Variants in NUTM2F observed in about 807,000 individuals in gnomAD.
NUTM2F encodes family with sequence similarity 22, member F.
In NUTM2F, 22 loss-of-function variants were observed where a neutral mutation model predicts 43.3. The ratio of observed to expected loss-of-function variants is 0.51; its 90% CI spans 0.36 to 0.73. NUTM2F has a LOEUF of 0.73. Ranked by LOEUF, NUTM2F falls within the 30% of genes least tolerant of loss-of-function variation. NUTM2F has a pLI of 0.00. For missense variants in NUTM2F, 488 were observed against 927.4 expected (o/e 0.53, Z 6.15); for synonymous variants, 202 against 389.0 (o/e 0.52, Z 5.66).
intron 2 of NUTM2F, among the ~76,000 whole-genome samples, chr9:94,324,958 GC>G (rs1264538129): frequency 7.0e-6 from 1 of 143,482 alleles, no homozygotes; most frequent in Non-Finnish European, 1.5e-5. Context: ...TTGCACTCCA[GC>G]CTGGGCAACA....
Position 94,322,307 on chromosome 9 carries a change from G to T in NUTM2F, c.736C>A (p.Arg246=). Residue 246 remains arginine, a synonymous_variant, in exon 3 of 7, where the codon CGG becomes AGG. Transcript: ENST00000253262. Reference sequence around the variant, plus strand: ...TCCAGCGTCATGGTGGGCTTCCGCCGGGCCAGGGATCGGAGAACTGGGCTG... The same window carrying T: ...TCCAGCGTCATGGTGGGCTTCCGCCTGGCCAGGGATCGGAGAACTGGGCTG... ...FLIPVLRSLA[R]RKPTMTLEEG... The T allele has an allele frequency of 6.2e-7, 1 of 1,611,908 alleles. No homozygotes were observed. Among genetic ancestry groups the T allele is most frequent in the Non-Finnish European group, 8.5e-7 (1 of 1,179,834 alleles).
In NUTM2F at chr9:94,324,987, C is replaced by CT. The variant is rs1831431927; in HGVS notation, c.713+250_713+251insA. ...GGGCAACAAGAGTGAAAGTCCATCT[C>CT]AAAAAAAAAAAAAAAATTAAGGATT... On this transcript the variant is annotated intron_variant, in intron 2 of 6. Transcript: ENST00000253262. Among the ~76,000 whole-genome samples the CT allele has an allele frequency of 4.1e-5, 4 of 98,344 alleles. No individual in the cohort carries two copies. The Admixed American group carries it at 4.2e-4, about 10-fold the overall frequency. 64.5% of individuals were successfully genotyped at this position (98,344 alleles called of 152,430 possible).
chr9:94,321,435 C>T (rs555204587), intron 3 of NUTM2F, among the ~76,000 whole-genome samples: 2 of 150,468 alleles, frequency 1.3e-5, no homozygotes, highest in Admixed American at 6.6e-5. Flanking sequence ...CTGCAGAGCC[C>T]ATGGCATCAA....
chr9:94,325,810 C>G lies in NUTM2F; in HGVS notation c.141G>C (p.Val47=), dbSNP rs1831445582. Residue 47 remains valine (V), a synonymous_variant, in exon 2 of 7, where the codon GTG becomes GTC. Transcript: ENST00000253262. ...PAHRPPLVTA[V]VPPAGPLVLS... Reference sequence around the variant, plus strand: ...GCACCAGAGGGCCGGCTGGAGGAACCACTGCAGTCACGAGGGGCGGCCTGT... The same window carrying G: ...GCACCAGAGGGCCGGCTGGAGGAACGACTGCAGTCACGAGGGGCGGCCTGT... The G allele has an allele frequency of 6.2e-7, 1 of 1,612,004 alleles. No homozygotes were observed. The highest frequency in any genetic ancestry group is 1.3e-5 in the African/African-American group (1 of 74,888).
intron 2 of NUTM2F, among the ~76,000 whole-genome samples, chr9:94,324,549 G>A (rs535396400): frequency 2.0e-5 from 3 of 151,280 alleles, no homozygotes; most frequent in African/African-American, 4.9e-5. Context: ...TGTAGTCCCA[G>A]CTACTCGGGA....
In NUTM2F at chr9:94,322,237, T is replaced by C; in HGVS notation, c.806A>G (p.Asn269Ser). The C allele has an allele frequency of 1.2e-6, 2 of 1,612,088 alleles. No individual in the cohort carries two copies. The highest frequency in any genetic ancestry group is 1.7e-6 in the Non-Finnish European group (2 of 1,179,878). The change falls in exon 3 of 7, where the codon AAC becomes AGC. Residue 269 changes from asparagine to serine, a missense_variant. Asn to Ser is a conservative substitution (Grantham distance 46). Coordinates refer to ENST00000253262, the MANE Select transcript of NUTM2F (RefSeq NM_017561.2). ...CTCGTAGAAGATCATCCGGTCAAAG[T>C]TGCTCGTGTGCTGCCATTCCCGCAT... is the stretch of plus-strand genomic sequence containing the variant. ...QAMREWQHTS[N>S]FDRMIFYEMA...
rs777525236 is a variant in NUTM2F, at chr9:94,319,700, C to T, written c.1398G>A (p.Leu466=). Residue 466 remains leucine, a synonymous_variant, in exon 6 of 7, where the codon CTG becomes CTA. Coordinates refer to ENST00000253262, the MANE Select transcript of NUTM2F (RefSeq NM_017561.2). ...GTGGATCTGGGGAAAGCAATTCTTC[C>T]AGGAATCGGGGGTGAATGACGGCCT... The part of the protein sequence containing the change: ...KVEAVIHPRF[L]EELLSPDPQM... The T allele has an allele frequency of 2.4e-5, 39 of 1,611,620 alleles. No individual in the cohort carries two copies. The East Asian group carries it at 8.5e-4, about 35-fold the overall frequency.
chr9:94,322,180 C>T (rs748791148), intron 3 of NUTM2F, 21 bp downstream of exon 3: 11 of 1,611,846 alleles, frequency 6.8e-6, no homozygotes, highest in East Asian at 4.5e-5. Flanking sequence ...ACGGGCCCTG[C>T]CCCCAGGACC....
Position 94,320,046 on chromosome 9 carries a change from AACAC to A in NUTM2F, c.1368+158_1368+161del, listed in dbSNP as rs1831336534. ...GACACAGTAACAAATCACAGACACA[AACAC>A]ACAGCAACACACAGACACACACAGT... On this transcript the variant is annotated intron_variant, in intron 5 of 6. Coordinates refer to ENST00000253262, the MANE Select transcript of NUTM2F (RefSeq NM_017561.2). This position sits in a 1 kb window ranked among gnomAD's most constrained non-coding sequence, Gnocchi z 4.5. Among the ~76,000 whole-genome samples, 1 of 152,098 alleles carries A rather than the reference AACAC, an allele frequency of 6.6e-6. No individual in the cohort carries two copies. Among genetic ancestry groups the A allele is most frequent in the Non-Finnish European group, 1.5e-5 (1 of 67,996 alleles).
chr9:94,323,169 G>A (rs981380648), intron 2 of NUTM2F, among the ~76,000 whole-genome samples: 1 of 152,016 alleles, frequency 6.6e-6, no homozygotes, highest in African/African-American at 2.4e-5. Flanking sequence ...CAAGGCAAAG[G>A]CCTGTGAGCC....
rs138367270 is a variant in NUTM2F at position 94,320,818 on chromosome 9, C to T, written c.983-225G>A. Reference sequence around the variant, plus strand: ...TATGCCGTGTACTCTCCCCGCTCATCTCTGCTTCCTGGGCAGAGCATATGT... The same window carrying T: ...TATGCCGTGTACTCTCCCCGCTCATTTCTGCTTCCTGGGCAGAGCATATGT... On this transcript the variant is annotated intron_variant, in intron 4 of 6. Transcript: ENST00000253262. The surrounding 1 kb of genome is among the most constrained non-coding windows in gnomAD (Gnocchi z 4.5). Among the ~76,000 whole-genome samples, 1,991 of 152,310 alleles carry T rather than the reference C, an allele frequency of 0.013. 27 individuals are homozygous for T. Among genetic ancestry groups the T allele is most frequent in the Middle Eastern group, 0.068 (20 of 294 alleles).
At chr9:94,328,527 C>T (rs1831477644) in intron 1 of NUTM2F, 81 bp downstream of exon 1, 9 of 1,607,626 alleles carry the variant, frequency 5.6e-6, no homozygotes, top group Non-Finnish European at 7.7e-6. Context: ...TATAAGCTGT[C>T]CCCAGGGACA....
At chr9:94,326,870 C>T (rs1490325597) in intron 1 of NUTM2F, among the ~76,000 whole-genome samples, 1 of 151,906 alleles carries the variant, frequency 6.6e-6, no homozygotes, top group Non-Finnish European at 1.5e-5. Context: ...CCTGGCACCA[C>T]CCACACAAGT....
rs1350918088 is a variant in NUTM2F, at chr9:94,320,340, G to A, written c.1236C>T (p.Asp412=). Residue 412 remains aspartate, a synonymous_variant, in exon 5 of 7, where the codon GAC becomes GAT. Coordinates refer to ENST00000253262, the MANE Select transcript of NUTM2F (RefSeq NM_017561.2). This position sits in a 1 kb window ranked among gnomAD's most constrained non-coding sequence, Gnocchi z 4.5. ...MEELLGSHPG[D]TGEPEGQREK... is the part of the protein sequence containing the mutation. ...CCCGTTGTCCCTCAGGCTCCCCTGT[G>A]TCCCCAGGGTGAGACCCCAGCAGCT... 1.9e-6 allele frequency: 3 copies of A among 1,613,684 alleles called. No individual in the cohort carries two copies. Among genetic ancestry groups the A allele is most frequent in the Non-Finnish European group, 8.5e-7 (1 of 1,179,812 alleles).
intron 1 of NUTM2F, among the ~76,000 whole-genome samples, chr9:94,326,400 C>G (rs965584677): frequency 2.5e-4 from 38 of 151,998 alleles, no homozygotes; most frequent in Admixed American, 5.9e-4. Context: ...CTTCAGTCTT[C>G]CTTTCCCTGA....
chr9:94,324,239 C>T (rs1587703569), intron 2 of NUTM2F, among the ~76,000 whole-genome samples: 1 of 151,930 alleles, frequency 6.6e-6, no homozygotes, highest in East Asian at 1.9e-4. Context: ...CATTGCACTC[C>T]AGCCTGGGTG....
Position 94,319,116 on chromosome 9 carries a change from G to T in NUTM2F, c.1620C>A (p.Asp540Glu), listed in dbSNP as rs1325353918. 2.6e-6 allele frequency: 3 copies of T among 1,133,194 alleles called. No homozygotes were observed. Among genetic ancestry groups the T allele is most frequent in the Non-Finnish European group, 3.6e-6 (3 of 841,548 alleles). The allele number at this position is 1,133,194 out of a possible 1,614,324, so 70.2% of individuals were successfully genotyped here. ...AGQEAAREVP[D>E]PQQRVSVETS... ...TTTCCACGCTGACCCTTTGTTGGGGGTCAGGGACCTCTCTCGCTGCTTCTT... is the reference window on the plus strand; with the variant it reads ...TTTCCACGCTGACCCTTTGTTGGGGTTCAGGGACCTCTCTCGCTGCTTCTT... Residue 540 changes from aspartate to glutamate, a missense_variant, in exon 7 of 7, where the codon GAC (aspartate) becomes GAA (glutamate). Coordinates refer to ENST00000253262, the MANE Select transcript of NUTM2F (RefSeq NM_017561.2).
At chr9:94,328,513 G>A in intron 1 of NUTM2F, 95 bp downstream of exon 1, 1 of 1,580,224 alleles carries the variant, frequency 6.3e-7, no homozygotes, top group Non-Finnish European at 8.7e-7. Flanking sequence ...CTCAACATCA[G>A]CCCTATAAGC....
At chr9:94,323,298 C>T (rs139477450) in intron 2 of NUTM2F, among the ~76,000 whole-genome samples, 1 of 152,304 alleles carries the variant, frequency 6.6e-6, no homozygotes, top group African/African-American at 2.4e-5. Context: ...AAGACGGGGC[C>T]GCCTTCACCT....
Sources: allele counts gnomAD v4.1 joint callset (sites outside exome capture counted in the v4.1 genomes callset), GRCh38; gene constraint gnomAD v4.1.1; non-coding constraint Gnocchi (gnomAD v3.1); transcripts MANE v1.5; gene names NCBI Gene and HGNC (gene_info 2026-07-23, HGNC 2026-07-21).